TRABD2A: variants seen among roughly 807,000 people sequenced by gnomAD.
The protein encoded by TRABD2A is metalloprotease TIKI1.
TRABD2A carries 43 observed loss-of-function variants against 45.6 expected under a neutral mutation model. That is an observed-to-expected ratio of 0.94 (90% CI 0.74 to 1.22). The LOEUF (loss-of-function observed/expected upper bound fraction) is 1.22, where lower values mean the gene tolerates loss of function less well. TRABD2A is among the 50% of genes most tolerant of loss of function. TRABD2A has a pLI of 0.00. For missense variants in TRABD2A, 642 were observed against 652.4 expected (o/e 0.98, Z 0.17); for synonymous variants, 269 against 265.0 (o/e 1.02, Z -0.15).
chr2:84,872,832 T>G (rs141955398), intron 1 of TRABD2A, among the ~76,000 whole-genome samples: 161 of 152,266 alleles, frequency 1.1e-3, no homozygotes, highest in Non-Finnish European at 2.0e-3. Context: ...GGCACCTTAT[T>G]GGCCAGGCAT....
At position 84,860,073 on chromosome 2, in the gene TRABD2A, C is replaced by T. The variant is rs928032028; in HGVS notation, c.669+10152G>A. Among the ~76,000 whole-genome samples the T allele has an allele frequency of 3.3e-5, 5 of 152,266 alleles. No homozygotes were observed. The South Asian group carries it at 6.2e-4, about 19-fold the overall frequency. ...TGAACTTGGCACAGCTGGACACTCT[C>T]CTCCCCACCACACACGCATCAAGGT... On this transcript the variant is annotated intron_variant, in intron 2 of 6. Transcript: ENST00000409520.
chr2:84,836,740 C>T (rs1270750946), intron 4 of TRABD2A: 1 of 151,922 alleles, frequency 6.6e-6, no homozygotes, highest in Non-Finnish European at 1.5e-5. Context: ...ATTCCTTTTC[C>T]TTTCTCTTTC....
chr2:84,880,968 C>G lies in TRABD2A; in HGVS notation c.72G>C (p.Gly24=), dbSNP rs762545487. 1 of 1,601,400 alleles carries G rather than the reference C, an allele frequency of 6.2e-7. No homozygotes were observed. The highest frequency in any genetic ancestry group is 1.1e-5 in the South Asian group (1 of 89,026). Residue 24 remains glycine (G), a synonymous_variant, in exon 1 of 7, where the codon GGG becomes GGC. Coordinates refer to ENST00000409520, the MANE Select transcript of TRABD2A (RefSeq NM_001277053.2). ...LLPTGAASRR[G]APGTANCELK... ...GCTCGCAGTTGGCGGTGCCGGGCGCCCCGCGCCGCGAAGCTGCGCCCGTGG... is the reference window on the plus strand; with the variant it reads ...GCTCGCAGTTGGCGGTGCCGGGCGCGCCGCGCCGCGAAGCTGCGCCCGTGG...
At chr2:84,879,045 G>A (rs1330302273) in intron 1 of TRABD2A, among the ~76,000 whole-genome samples, 16 of 151,536 alleles carry the variant, frequency 1.1e-4, no homozygotes, top group Non-Finnish European at 8.9e-5. Flanking sequence ...TTCTCACAAG[G>A]TACTGTAGAA....
intron 2 of TRABD2A, among the ~76,000 whole-genome samples, chr2:84,852,138 C>A (rs1383166340): frequency 6.6e-6 from 1 of 152,186 alleles, no homozygotes; most frequent in Non-Finnish European, 1.5e-5. Context: ...CACACACAAA[C>A]TCTATTCATG....
chr2:84,878,775 C>A (rs891965378), intron 1 of TRABD2A, among the ~76,000 whole-genome samples: 2 of 152,176 alleles, frequency 1.3e-5, no homozygotes, highest in Non-Finnish European at 2.9e-5. Context: ...AGGACTTCCA[C>A]TCTAGAATCT....
chr2:84,832,200 C>G, intron 4 of TRABD2A, 55 bp from the exon 5 acceptor site: 1 of 1,573,276 alleles, frequency 6.4e-7, no homozygotes, highest in Non-Finnish European at 8.7e-7. Context: ...ACCAAACATA[C>G]TCCCCAAACA....
chr2:84,853,544 G>A (rs866932934), intron 2 of TRABD2A, among the ~76,000 whole-genome samples: 1 of 152,314 alleles, frequency 6.6e-6, no homozygotes, highest in Non-Finnish European at 1.5e-5. Context: ...GACACATGGG[G>A]ATTATGGAAA....
chr2:84,860,751 GT>G (rs1002597443), intron 2 of TRABD2A, among the ~76,000 whole-genome samples: 2 of 152,218 alleles, frequency 1.3e-5, no homozygotes, highest in Admixed American at 1.3e-4. Context: ...ATCCTCCACA[GT>G]TTCTCCTCTC....
chr2:84,843,847 G>A (rs1239629768), intron 2 of TRABD2A: 1 of 152,150 alleles, frequency 6.6e-6, no homozygotes, highest in African/African-American at 2.4e-5. Context: ...TTTTGGAGGG[G>A]ACACATTCAA....
intron 1 of TRABD2A, among the ~76,000 whole-genome samples, chr2:84,875,395 G>A (rs1281939403): frequency 6.6e-6 from 1 of 152,206 alleles, no homozygotes; most frequent in African/African-American, 2.4e-5. Flanking sequence ...AGGCCAGCAC[G>A]ACAGAGAGGG....
intron 2 of TRABD2A, among the ~76,000 whole-genome samples, chr2:84,860,416 AAGG>A (rs1682458969): frequency 6.6e-6 from 1 of 152,212 alleles, no homozygotes; most frequent in Non-Finnish European, 1.5e-5. Context: ...GTGAAGACAG[AAGG>A]AGAAGACAGC....
chr2:84,849,816 A>C (rs1244620866), intron 2 of TRABD2A, among the ~76,000 whole-genome samples: 1 of 152,206 alleles, frequency 6.6e-6, no homozygotes, highest in African/African-American at 2.4e-5. Flanking sequence ...CTGAATGCCA[A>C]TTCCCTGCAC....
intron 5 of TRABD2A, among the ~76,000 whole-genome samples, chr2:84,829,751 C>T (rs1413116338): frequency 1.3e-5 from 2 of 149,322 alleles, no homozygotes; most frequent in Non-Finnish European, 3.0e-5. Context: ...CACACACCAG[C>T]CATGTTCCAC....
intron 2 of TRABD2A, among the ~76,000 whole-genome samples, chr2:84,851,969 C>T (rs1274449721): frequency 2.0e-5 from 3 of 152,182 alleles, no homozygotes; most frequent in African/African-American, 7.2e-5. Context: ...ATCCTGACCT[C>T]TCTGCCTTGC....
Position 84,835,959 on chromosome 2 carries a change from C to T in TRABD2A, c.991+3190G>A, listed in dbSNP as rs543546605. The T allele has an allele frequency of 2.6e-5, 4 of 152,270 alleles. No homozygotes were observed. The East Asian group carries it at 7.7e-4, about 29-fold the overall frequency. The allele number at this position is 152,270 out of a possible 1,614,324, so 9.4% of individuals were successfully genotyped here. A position where few individuals can be genotyped will look rare whatever the true frequency, so the allele number is the denominator to read the frequency against. On this transcript the variant is annotated intron_variant, in intron 4 of 6. Transcript: ENST00000409520. ...CAAGTTTTAAGGAACATTCAGACCA[C>T]AGCAAAACATTAAACAGCCCAACTC...
intron 1 of TRABD2A, among the ~76,000 whole-genome samples, chr2:84,878,031 A>G (rs1683082994): frequency 2.6e-5 from 4 of 152,230 alleles, no homozygotes; most frequent in Non-Finnish European, 5.9e-5. Context: ...AAAAATTTTT[A>G]TCAGATGGTG....
chr2:84,842,342 C>T (rs1479027865), intron 2 of TRABD2A, among the ~76,000 whole-genome samples: 1 of 152,286 alleles, frequency 6.6e-6, no homozygotes, highest in Admixed American at 6.5e-5. Context: ...AGCGAGAGGG[C>T]TGGGGACTCA....
rs200243150 is a variant in TRABD2A at position 84,824,007 on chromosome 2, T to C, written c.1280A>G (p.Gln427Arg). 1 of 1,613,794 alleles carries C rather than the reference T, an allele frequency of 6.2e-7. No homozygotes were observed. The highest frequency in any genetic ancestry group is 8.5e-7 in the Non-Finnish European group (1 of 1,179,774). Residue 427 changes from glutamine to arginine, a missense_variant, in exon 6 of 7, where the codon CAG (glutamine) becomes CGG (arginine). By Grantham distance (43) the Gln-to-Arg change is conservative. Coordinates refer to ENST00000409520, the MANE Select transcript of TRABD2A (RefSeq NM_001277053.2). ...QRFRKKRRRS[Q>R]RRPRLRQFSD... ...GAATTGCCGGAGTCGCGGCCTCCGC[T>C]GTGACCGCCTCCGCTTCTTCCGGAA...
Sources: allele counts gnomAD v4.1 joint callset (sites outside exome capture counted in the v4.1 genomes callset), GRCh38; gene constraint gnomAD v4.1.1; transcripts MANE v1.5; gene names NCBI Gene and HGNC (gene_info 2026-07-23, HGNC 2026-07-21).